The following APP variants were observed in gnomAD, a reference collection of about 807,000 sequenced individuals.
APP encodes the protein amyloid-beta precursor protein.
In APP, 31 loss-of-function variants were observed where a neutral mutation model predicts 101.4. The ratio of observed to expected loss-of-function variants is 0.31; its 90% CI spans 0.23 to 0.41. The LOEUF (loss-of-function observed/expected upper bound fraction) is 0.41, where lower values mean the gene tolerates loss of function less well. Ranked by LOEUF, APP falls within the 10% of genes least tolerant of loss-of-function variation. The pLI is 1.00. For missense variants in APP, 839 were observed against 1,003.7 expected, an observed-to-expected ratio of 0.84 and a Z score of 2.22; for synonymous variants, 366 against 364.4, an observed-to-expected ratio of 1.00 and a Z score of -0.05.
At chr21:25,888,477 G>A (rs1246819880) in intron 17 of APP, among the ~76,000 whole-genome samples, 1 of 152,146 alleles carries the variant, frequency 6.6e-6, no homozygotes, top group Non-Finnish European at 1.5e-5. Flanking sequence ...CACACTATGG[G>A]GCTGCACAGA....
At chr21:26,062,812 G>A (rs914781591) in intron 3 of APP, among the ~76,000 whole-genome samples, 1 of 151,224 alleles carries the variant, frequency 6.6e-6, no homozygotes, top group African/African-American at 2.4e-5. Context: ...TCCCAGGCTG[G>A]AGTGCAATGG....
chr21:26,136,395 A>G (rs949843218), intron 1 of APP, among the ~76,000 whole-genome samples: 2 of 151,990 alleles, frequency 1.3e-5, no homozygotes, highest in Admixed American at 6.6e-5. Flanking sequence ...TGTACCCTGG[A>G]TCCATCAGGC....
intron 6 of APP, among the ~76,000 whole-genome samples, chr21:26,001,588 T>C (rs1013961052): frequency 6.6e-6 from 1 of 152,210 alleles, no homozygotes; most frequent in Admixed American, 6.5e-5. Context: ...AACCTCTACC[T>C]CCTGAGTTCA....
intron 5 of APP, among the ~76,000 whole-genome samples, chr21:26,023,616 T>C (rs533800966): frequency 8.4e-4 from 128 of 151,962 alleles, no homozygotes; most frequent in African/African-American, 3.0e-3. Flanking sequence ...GGCGGGAGGA[T>C]TGCTTGAGCC....
chr21:26,050,525 A>C (rs1004444991), intron 5 of APP, among the ~76,000 whole-genome samples: 2 of 152,184 alleles, frequency 1.3e-5, no homozygotes, highest in Non-Finnish European at 2.9e-5. Flanking sequence ...AATGCCTTTG[A>C]CTTCCACTAT....
At position 25,975,050 on chromosome 21, in the gene APP, T is replaced by G. The variant is rs531820300; in HGVS notation, c.1458+20A>C. ...CTGTGCTGTGACCTGAAGTGTGAAC[T>G]CGGCTGCAGCGAGACCTACCCGAGG... On this transcript the variant is annotated intron_variant, in intron 11 of 17. Transcript: ENST00000346798. The G allele has an allele frequency of 1.2e-6, 2 of 1,613,510 alleles. No homozygotes were observed. The highest frequency in any genetic ancestry group is 1.1e-5 in the South Asian group (1 of 91,058).
chr21:26,092,350 G>A (rs982708965), intron 2 of APP, among the ~76,000 whole-genome samples: 4 of 152,080 alleles, frequency 2.6e-5, no homozygotes, highest in Admixed American at 2.6e-4. Context: ...AAGGAAATGG[G>A]CTATGAACCC....
intron 1 of APP, among the ~76,000 whole-genome samples, chr21:26,120,961 A>T (rs2146236931): frequency 7.2e-6 from 1 of 139,318 alleles, no homozygotes; most frequent in Admixed American, 7.6e-5. Context: ...GTGTAACAAA[A>T]GCAGTGAGGG....
chr21:25,941,920 C>G (rs937361473), intron 13 of APP: 16 of 152,226 alleles, frequency 1.1e-4, no homozygotes, highest in African/African-American at 3.9e-4. Context: ...ATTATTATCT[C>G]ATGCTTTCAG....
intron 1 of APP, among the ~76,000 whole-genome samples, chr21:26,152,257 T>C (rs113956058): frequency 0.1 from 12,496 of 121,890 alleles, 1,227 homozygotes; most frequent in African/African-American, 0.28. Context: ...TGCACTCCAG[T>C]CTGGGCGACA....
chr21:25,889,226 T>C (rs1272395941), intron 17 of APP, among the ~76,000 whole-genome samples: 4 of 152,138 alleles, frequency 2.6e-5, no homozygotes, highest in Non-Finnish European at 5.9e-5. Context: ...TCAGGGTTGA[T>C]CCTAATCCAC....
At chr21:25,937,720 T>C (rs150496554) in intron 13 of APP, 3 of 152,282 alleles carry the variant, frequency 2.0e-5, no homozygotes, top group East Asian at 3.9e-4. Flanking sequence ...GGGAAAGTTA[T>C]GAAAGGCAGA....
intron 3 of APP, among the ~76,000 whole-genome samples, chr21:26,054,262 T>TGCCACGTAGTAG (rs952937455): frequency 8.5e-4 from 129 of 152,284 alleles, no homozygotes; most frequent in Non-Finnish European, 1.4e-3. Context: ...AGAAGTAGTA[T>TGCCACGTAGTAG]GCCACATGGG....
chr21:26,089,319 A>T (rs1209995720), intron 3 of APP, among the ~76,000 whole-genome samples: 1 of 152,130 alleles, frequency 6.6e-6, no homozygotes, highest in African/African-American at 2.4e-5. Context: ...GCACGATACC[A>T]CATAAAACTA....
intron 6 of APP, among the ~76,000 whole-genome samples, chr21:26,004,524 C>T (rs1012428883): frequency 6.6e-6 from 1 of 152,076 alleles, no homozygotes; most frequent in Non-Finnish European, 1.5e-5. Flanking sequence ...GATCTCCTGA[C>T]CTCATGATCC....
At chr21:26,069,547 G>A (rs1371436852) in intron 3 of APP, among the ~76,000 whole-genome samples, 1 of 152,010 alleles carries the variant, frequency 6.6e-6, no homozygotes, top group African/African-American at 2.4e-5. Context: ...TATCACCAAC[G>A]ACCACCCACA....
intron 13 of APP, among the ~76,000 whole-genome samples, chr21:25,925,672 C>T (rs1016223009): frequency 6.6e-6 from 1 of 152,212 alleles, no homozygotes; most frequent in Non-Finnish European, 1.5e-5. Context: ...TGGTGGCTCA[C>T]GCCTGTAACC....
At chr21:26,054,626 T>TG (rs1359156291) in intron 3 of APP, among the ~76,000 whole-genome samples, 40 of 126,196 alleles carry the variant, frequency 3.2e-4, no homozygotes, top group African/African-American at 9.6e-4. Context: ...AAAAGTTTTT[T>TG]TTTTTTTTTT....
chr21:26,072,246 C>A (rs969707148), intron 3 of APP, among the ~76,000 whole-genome samples: 2 of 152,158 alleles, frequency 1.3e-5, no homozygotes, highest in African/African-American at 4.8e-5. Flanking sequence ...TTTTTCCAGA[C>A]CCTAAGCACT....
Sources: allele counts gnomAD v4.1 joint callset (sites outside exome capture counted in the v4.1 genomes callset), GRCh38; gene constraint gnomAD v4.1.1; transcripts MANE v1.5; gene names NCBI Gene and HGNC (gene_info 2026-07-23, HGNC 2026-07-21).